ZFP30: variants seen among roughly 807,000 people sequenced by gnomAD.
ZFP30 encodes the protein zinc finger protein 30 homolog.
Under a neutral mutation model 12.3 loss-of-function variants are expected in ZFP30, and 16 were observed. The observed-to-expected ratio is 1.30, with a 90% confidence interval of 0.88 to 1.98. The LOEUF (loss-of-function observed/expected upper bound fraction) is 1.98, where lower values mean the gene tolerates loss of function less well. Ranked by LOEUF, ZFP30 falls within the 30% of genes most tolerant of loss-of-function variation. ZFP30 has a pLI of 0.00. For synonymous variants in ZFP30, 172 were observed against 201.0 expected, an observed-to-expected ratio of 0.86 and a Z score of 1.22; for missense variants, 560 against 611.2, an observed-to-expected ratio of 0.92 and a Z score of 0.88.
chr19:37,639,600 T>TA (rs894089115), intron 5 of ZFP30, among the ~76,000 whole-genome samples: 2 of 151,384 alleles, frequency 1.3e-5, no homozygotes, highest in Non-Finnish European at 2.9e-5. Context: ...AAACTAAAAT[T>TA]AAAAGAAAGA....
chr19:37,636,786 C>T (rs2044336947), intron 5 of ZFP30, among the ~76,000 whole-genome samples: 1 of 151,214 alleles, frequency 6.6e-6, no homozygotes. Flanking sequence ...TCTCAGCTCA[C>T]TGTAACCTCT....
At chr19:37,655,395 G>C (rs940592373) in intron 1 of ZFP30, 25 bp downstream of exon 1, 3 of 152,590 alleles carry the variant, frequency 2.0e-5, no homozygotes, top group Non-Finnish European at 4.4e-5. Context: ...CCACAGTGGC[G>C]CCCGGCTCCC....
Position 37,643,325 on chromosome 19 carries a change from A to C in ZFP30, c.175T>G (p.Leu59Val). The C allele has an allele frequency of 6.2e-7, 1 of 1,609,638 alleles. No homozygotes were observed. ...SISKPDVITL[L>V]EQGKEPWMVV... Reference sequence around the variant, plus strand: ...ATCCAGGGCTCTTTCCCTTGTTCCAATAGGGTGATCACATCTGGCTTAGAA... The same window carrying C: ...ATCCAGGGCTCTTTCCCTTGTTCCACTAGGGTGATCACATCTGGCTTAGAA... The change falls in exon 5 of 6, where the codon TTG becomes GTG. Residue 59 changes from leucine to valine, a missense_variant. Leu to Val is a conservative substitution (Grantham distance 32, BLOSUM62 1). Transcript: ENST00000684514.
At chr19:37,643,119 T>C (rs1373874119) in intron 5 of ZFP30, 146 bp downstream of exon 5, 1 of 580,194 alleles carries the variant, frequency 1.7e-6, no homozygotes, top group East Asian at 3.1e-5. Context: ...TGAAATGTCT[T>C]TGATGGCTCA....
rs949714753 is a variant in ZFP30, at chr19:37,635,255, T to A, written c.1286A>T (p.Gln429Leu). 2 of 1,614,048 alleles carry A rather than the reference T, an allele frequency of 1.2e-6. No individual in the cohort carries two copies. Among genetic ancestry groups the A allele is most frequent in the African/African-American group, 2.7e-5 (2 of 74,952 alleles). The change falls in exon 6 of 6, where the codon CAG becomes CTG. Residue 429 changes from glutamine to leucine, a missense_variant. Physicochemically the swap from Gln to Leu is moderately radical, Grantham distance 113. Transcript: ENST00000684514. ...FRLFSQLTQH[Q>L]SIHFGEKPFK... ...GGGTTTCTCACCAAAATGAATACTC[T>A]GATGTTGAGTAAGCTGTGAGAACAG...
At chr19:37,648,954 T>C (rs750989856) in intron 2 of ZFP30, among the ~76,000 whole-genome samples, 1 of 152,166 alleles carries the variant, frequency 6.6e-6, no homozygotes, top group Non-Finnish European at 1.5e-5. Flanking sequence ...AAGCTAGAAA[T>C]AGGCTGGGTG....
intron 2 of ZFP30, among the ~76,000 whole-genome samples, chr19:37,650,500 C>G (rs1157195923): frequency 6.6e-6 from 1 of 152,174 alleles, no homozygotes; most frequent in Non-Finnish European, 1.5e-5. Flanking sequence ...ACAGTTCCAT[C>G]CCTGCTACTC....
At chr19:37,642,522 C>T (rs958779810) in intron 5 of ZFP30, among the ~76,000 whole-genome samples, 4 of 152,114 alleles carry the variant, frequency 2.6e-5, no homozygotes, top group African/African-American at 9.7e-5. Flanking sequence ...TACCTAATTA[C>T]TTCAGGATAT....
intron 2 of ZFP30, among the ~76,000 whole-genome samples, chr19:37,649,236 C>A (rs187227479): frequency 1.2e-3 from 147 of 124,320 alleles, no homozygotes; most frequent in African/African-American, 4.0e-3. Flanking sequence ...CAAAGTAAGA[C>A]CCTGTCTCTT....
intron 5 of ZFP30, among the ~76,000 whole-genome samples, chr19:37,637,102 C>G (rs1420127675): frequency 6.6e-6 from 1 of 151,966 alleles, no homozygotes; most frequent in Non-Finnish European, 1.5e-5. Context: ...TTTCATCCAT[C>G]AGGTTTCATT....
At chr19:37,656,182 G>C (rs968584972), upstream of ZFP30, 6 of 152,658 alleles carry the variant, frequency 3.9e-5, no homozygotes, top group African/African-American at 1.2e-4. Flanking sequence ...CTGCGTGCGC[G>C]TGTGCCGTTC....
intron 2 of ZFP30, among the ~76,000 whole-genome samples, 179 bp from the exon 3 acceptor site, chr19:37,648,078 G>C (rs920549021): frequency 2.0e-5 from 3 of 152,140 alleles, no homozygotes; most frequent in Admixed American, 2.0e-4. Context: ...AGCGAAATCA[G>C]CTCAGCTGCA....
chr19:37,648,371 C>T (rs1008609910), intron 2 of ZFP30, among the ~76,000 whole-genome samples: 2 of 152,154 alleles, frequency 1.3e-5, no homozygotes, highest in Admixed American at 1.3e-4. Flanking sequence ...AAGAATTTCC[C>T]AAACTTTGCT....
Sources: allele counts gnomAD v4.1 joint callset (sites outside exome capture counted in the v4.1 genomes callset), GRCh38; gene constraint gnomAD v4.1.1; transcripts MANE v1.5; gene names NCBI Gene and HGNC (gene_info 2026-07-23, HGNC 2026-07-21).